MSL2: variants seen among roughly 807,000 people sequenced by gnomAD.
The protein encoded by MSL2 is E3 ubiquitin-protein ligase MSL2.
A neutral mutation model predicts 35.8 loss-of-function variants in MSL2; 2 were observed. The ratio of observed to expected loss-of-function variants is 0.06; its 90% CI spans 0.02 to 0.18. MSL2 has a LOEUF of 0.18. Among genes scored for constraint, MSL2 ranks in the 10% least tolerant of loss-of-function variants. The pLI is 1.00. For missense variants in MSL2, 523 were observed against 706.7 expected (o/e 0.74, Z 2.95); for synonymous variants, 296 against 255.7 (o/e 1.16, Z -1.50).
At chr3:136,168,241 A>G (rs907636118) in intron 1 of MSL2, among the ~76,000 whole-genome samples, 2 of 152,184 alleles carry the variant, frequency 1.3e-5, no homozygotes, top group Non-Finnish European at 2.9e-5. Context: ...CAAGCTCTTA[A>G]GGCAAAAGAA....
chr3:136,164,707 G>T (rs1939792513), intron 1 of MSL2, among the ~76,000 whole-genome samples: 1 of 152,068 alleles, frequency 6.6e-6, no homozygotes, highest in African/African-American at 2.4e-5. Context: ...TCTTATCCTA[G>T]AAAATAAAAT....
At chr3:136,153,536 C>T (rs1426621823) in intron 1 of MSL2, among the ~76,000 whole-genome samples, 1 of 152,110 alleles carries the variant, frequency 6.6e-6, no homozygotes, top group Non-Finnish European at 1.5e-5. Context: ...GCCTATAATC[C>T]CAGCACTTTG....
Position 136,151,255 on chromosome 3 carries a change from G to A in MSL2, c.1626C>T (p.Ser542=), listed in dbSNP as rs777738676. ...TSIAVRNAST[S]TSVINVTGSP... ...ACCCTGTGACATTTATTACACTGGT[G>A]CTGGTACTAGCGTTACGCACAGCAA... Residue 542 remains serine, a synonymous_variant, in exon 2 of 2, where the codon AGC becomes AGT. Coordinates refer to ENST00000309993, the MANE Select transcript of MSL2 (RefSeq NM_018133.4). This position sits in a 1 kb window ranked among gnomAD's most constrained non-coding sequence, Gnocchi z 5.2. 4 of 1,614,218 alleles carry A rather than the reference G, an allele frequency of 2.5e-6. No individual in the cohort carries two copies. The highest frequency in any genetic ancestry group is 3.4e-6 in the Non-Finnish European group (4 of 1,180,046).
intron 1 of MSL2, among the ~76,000 whole-genome samples, chr3:136,174,835 T>A (rs1940126087): frequency 6.6e-6 from 1 of 152,202 alleles, no homozygotes. Context: ...AACCTTAATA[T>A]GTATATGTAT....
rs1940796448 is a variant in MSL2, at chr3:136,195,039, G to A, written c.75C>T (p.Pro25=). Residue 25 remains proline, a synonymous_variant, in exon 1 of 2, where the codon CCC becomes CCT. Transcript: ENST00000309993. ...RLVLNYDPGD[P]KAFTEINRLL... ...GCCTGTTAATCTCAGTAAACGCCTT[G>A]GGGTCTCCGGGGTCGTAGTTGAGCA... The A allele has an allele frequency of 1.9e-6, 3 of 1,614,104 alleles. No individual in the cohort carries two copies. The highest frequency in any genetic ancestry group is 1.1e-5 in the South Asian group (1 of 91,074).
chr3:136,162,969 ATTTTT>A (rs542937035), intron 1 of MSL2, among the ~76,000 whole-genome samples: 1 of 137,974 alleles, frequency 7.2e-6, no homozygotes, highest in Non-Finnish European at 1.6e-5. Context: ...GAGGACTTGG[ATTTTT>A]TTTTTTTTTT....
At chr3:136,161,434 A>T (rs983013595) in intron 1 of MSL2, among the ~76,000 whole-genome samples, 5 of 152,238 alleles carry the variant, frequency 3.3e-5, no homozygotes, top group African/African-American at 9.6e-5. Context: ...CAGCAGCATG[A>T]TTCCTAATGG....
At chr3:136,171,666 TAATA>T (rs1288774781) in intron 1 of MSL2, among the ~76,000 whole-genome samples, 2 of 152,190 alleles carry the variant, frequency 1.3e-5, no homozygotes, top group African/African-American at 4.8e-5. Context: ...TCATATATAT[TAATA>T]GTGTGCTCCT....
intron 1 of MSL2, among the ~76,000 whole-genome samples, chr3:136,184,740 A>G (rs977400395): frequency 9.9e-6 from 1 of 101,232 alleles, no homozygotes; most frequent in Non-Finnish European, 2.1e-5. Flanking sequence ...TAAAGGTTAA[A>G]AAAAAAAAAA....
chr3:136,186,976 T>TA (rs1399056244), intron 1 of MSL2, among the ~76,000 whole-genome samples: 2 of 152,188 alleles, frequency 1.3e-5, no homozygotes, highest in Non-Finnish European at 2.9e-5. Context: ...CTGTAATGCT[T>TA]AGAGAATCCT....
intron 1 of MSL2, among the ~76,000 whole-genome samples, chr3:136,154,769 G>C (rs922592681): frequency 2.0e-5 from 3 of 152,164 alleles, no homozygotes; most frequent in Admixed American, 6.6e-5. Flanking sequence ...CAGAAAATAA[G>C]GTCTTAAGCT....
intron 1 of MSL2, among the ~76,000 whole-genome samples, chr3:136,156,465 T>C (rs1481591842): frequency 3.9e-5 from 6 of 152,332 alleles, no homozygotes; most frequent in Admixed American, 2.0e-4. Context: ...TACAGAAAGC[T>C]ATATAAGACA....
At chr3:136,163,245 C>T (rs941977018) in intron 1 of MSL2, among the ~76,000 whole-genome samples, 1 of 152,086 alleles carries the variant, frequency 6.6e-6, no homozygotes, top group Admixed American at 6.6e-5. Context: ...GGCAACAGAG[C>T]GAGACTCCGT....
At chr3:136,163,264 A>G (rs1939759541) in intron 1 of MSL2, among the ~76,000 whole-genome samples, 1 of 152,096 alleles carries the variant, frequency 6.6e-6, no homozygotes, top group African/African-American at 2.4e-5. Flanking sequence ...GTCTCAAATA[A>G]ATATAAATAT....
At chr3:136,190,964 C>T (rs1181772324) in intron 1 of MSL2, among the ~76,000 whole-genome samples, 1 of 152,148 alleles carries the variant, frequency 6.6e-6, no homozygotes, top group Admixed American at 6.5e-5. Context: ...AATTGAAAAA[C>T]AAGCAGTGAT....
chr3:136,184,538 G>A (rs777438382), intron 1 of MSL2, among the ~76,000 whole-genome samples: 3 of 151,910 alleles, frequency 2.0e-5, no homozygotes, highest in Non-Finnish European at 4.4e-5. Flanking sequence ...AGGAGGCGGA[G>A]GTTGCAGCGA....
At chr3:136,162,920 A>C (rs1939749583) in intron 1 of MSL2, among the ~76,000 whole-genome samples, 1 of 151,070 alleles carries the variant, frequency 6.6e-6, no homozygotes, top group South Asian at 2.1e-4. Flanking sequence ...CAAAAGTGTT[A>C]GTGCATACCG....
At chr3:136,194,144 T>A (rs1046747480) in intron 1 of MSL2, among the ~76,000 whole-genome samples, 3 of 152,244 alleles carry the variant, frequency 2.0e-5, no homozygotes, top group Non-Finnish European at 4.4e-5. Flanking sequence ...AGTTGCCCTT[T>A]CTTTTGTATT....
chr3:136,159,423 G>A (rs917721459), intron 1 of MSL2, among the ~76,000 whole-genome samples: 4 of 141,708 alleles, frequency 2.8e-5, no homozygotes, highest in African/African-American at 1.1e-4. Flanking sequence ...GAGTGCAGTG[G>A]TGCCATCTCG....
Sources: allele counts gnomAD v4.1 joint callset (sites outside exome capture counted in the v4.1 genomes callset), GRCh38; gene constraint gnomAD v4.1.1; non-coding constraint Gnocchi (gnomAD v3.1); transcripts MANE v1.5; gene names NCBI Gene and HGNC (gene_info 2026-07-23, HGNC 2026-07-21).